Variants in TRPM3 observed in about 807,000 individuals in gnomAD.
TRPM3 encodes transient receptor potential cation channel subfamily M member 3.
A neutral mutation model predicts 181.2 loss-of-function variants in TRPM3; 77 were observed. The observed-to-expected ratio is 0.42, with a 90% CI of 0.35 to 0.51. The LOEUF (loss-of-function observed/expected upper bound fraction) is 0.51, where lower values mean the gene tolerates loss of function less well. Ranked by LOEUF, TRPM3 falls within the 20% of genes least tolerant of loss-of-function variation. TRPM3 has a pLI of 0.01. For synonymous variants in TRPM3, 745 were observed against 796.4 expected (o/e 0.94, Z 1.09); for missense variants, 1,759 against 2,196.7 (o/e 0.80, Z 3.98).
intron 1 of TRPM3, among the ~76,000 whole-genome samples, chr9:71,214,490 C>T (rs117093959): frequency 1.3e-5 from 2 of 152,228 alleles, no homozygotes; most frequent in East Asian, 3.9e-4. Context: ...AAAGGAGAAA[C>T]AATCCAAGTG....
intron 1 of TRPM3, among the ~76,000 whole-genome samples, chr9:71,076,273 G>A (rs569823003): frequency 2.6e-5 from 4 of 152,248 alleles, no homozygotes; most frequent in Non-Finnish European, 5.9e-5. Context: ...AAAACGCTAT[G>A]AATCAGGGAT....
chr9:70,776,126 T>C lies in TRPM3; in HGVS notation c.1148+7979A>G, dbSNP rs150736315. ...TCTGATGCAGAATAAAATTTGAGAA[T>C]CATGGTCTAGGCCTCCTATCCCAGC... On this transcript the variant is annotated intron_variant, in intron 7 of 25. Coordinates refer to ENST00000677713, the MANE Select transcript of TRPM3 (RefSeq NM_001366145.2). 6.3e-5 allele frequency: 15 copies of C among 238,624 alleles called. 1 individual carries two copies. The highest frequency in any genetic ancestry group is 1.3e-3 in the Middle Eastern group (1 of 766). The allele number at this position is 238,624 out of a possible 1,614,324, so 14.8% of individuals were successfully genotyped here. A position where few individuals can be genotyped will look rare whatever the true frequency, so the allele number is the denominator to read the frequency against.
At chr9:70,840,105 T>C (rs2094547358) in intron 5 of TRPM3, among the ~76,000 whole-genome samples, 1 of 152,198 alleles carries the variant, frequency 6.6e-6, no homozygotes, top group African/African-American at 2.4e-5. Flanking sequence ...AGCTATCATA[T>C]TGGAATAGTG....
At chr9:70,640,460 G>C (rs1489826587) in intron 10 of TRPM3, 100 bp downstream of exon 10, 1 of 892,656 alleles carries the variant, frequency 1.1e-6, no homozygotes, top group Non-Finnish European at 1.7e-6. Flanking sequence ...CCATCTTAAA[G>C]AAAAAGCAAT....
At chr9:71,332,291 T>A (rs1411351694) in intron 1 of TRPM3, among the ~76,000 whole-genome samples, 2 of 151,630 alleles carry the variant, frequency 1.3e-5, no homozygotes, top group Non-Finnish European at 2.9e-5. Flanking sequence ...TGACTAGAAA[T>A]AATGCTTTTT....
intron 1 of TRPM3, among the ~76,000 whole-genome samples, chr9:71,217,013 C>G (rs918302196): frequency 1.5e-5 from 2 of 129,388 alleles, no homozygotes; most frequent in African/African-American, 6.0e-5. Flanking sequence ...TGCAGTGGCG[C>G]GATCTCGGCT....
intron 1 of TRPM3, among the ~76,000 whole-genome samples, chr9:70,970,016 G>A (rs1310610891): frequency 1.3e-5 from 2 of 151,946 alleles, no homozygotes; most frequent in Admixed American, 1.3e-4. Flanking sequence ...CAATTAAAGA[G>A]GAATCATAAG....
chr9:70,603,309 T>C, intron 20 of TRPM3, 33 bp downstream of exon 20: 1 of 1,604,324 alleles, frequency 6.2e-7, no homozygotes, highest in Non-Finnish European at 8.5e-7. Flanking sequence ...ACCACTGTCT[T>C]TCTCTTACGT....
chr9:70,685,277 TCTTA>T (rs1217450766), intron 8 of TRPM3, among the ~76,000 whole-genome samples: 1 of 152,350 alleles, frequency 6.6e-6, no homozygotes, highest in Admixed American at 6.5e-5. Context: ...CATAGAATTC[TCTTA>T]CTGTTTTAAA....
intron 1 of TRPM3, among the ~76,000 whole-genome samples, chr9:71,225,701 A>G (rs997618280): frequency 2.6e-5 from 4 of 152,068 alleles, no homozygotes; most frequent in African/African-American, 9.7e-5. Context: ...GCTGTCACCC[A>G]AGTTGGAATG....
Position 71,312,946 on chromosome 9 carries a change from C to T in TRPM3, c.183+133707G>A, listed in dbSNP as rs548121601. On this transcript the variant is annotated intron_variant, in intron 1 of 24. Coordinates refer to the TRPM3 transcript ENST00000357533. ...AAGGATTTTTTGGGCAGTGAAATTG[C>T]TCTGTATAGTACTACAATGGGAGAG... Among the ~76,000 whole-genome samples, 12 of 152,144 alleles carry T rather than the reference C, an allele frequency of 7.9e-5. No homozygotes were observed. The East Asian group carries it at 2.1e-3, about 27-fold the overall frequency.
Position 70,978,581 on chromosome 9 carries a change from G to A in TRPM3, c.178-114070C>T, listed in dbSNP as rs982816393. 5.3e-5 allele frequency among the ~76,000 whole-genome samples: 8 copies of A among 152,258 alleles called. No homozygotes were observed. In the South Asian group the frequency reaches 1.5e-3, roughly 28 times the overall value. ...GATATCATCCATTGAAGTTATTTCC[G>A]ATGCTTTCATTTGCCACATAAATTT... On this transcript the variant is annotated intron_variant, in intron 1 of 25. Coordinates refer to ENST00000677713, the MANE Select transcript of TRPM3 (RefSeq NM_001366145.2).
intron 20 of TRPM3, 24 bp from the exon 21 acceptor site, chr9:70,598,694 A>AGGTCTGGTTTCT (rs2059396978): frequency 6.2e-7 from 1 of 1,607,284 alleles, no homozygotes; most frequent in African/African-American, 1.3e-5. Flanking sequence ...AGGAGAGCAG[A>AGGTCTGGTTTCT]GTTAGGTCTG....
intron 14 of TRPM3, among the ~76,000 whole-genome samples, chr9:70,623,616 C>T (rs7857237): frequency 7.9e-5 from 12 of 152,196 alleles, no homozygotes; most frequent in Admixed American, 4.6e-4. Context: ...CACCTTTACC[C>T]GATGTCATTA....
intron 1 of TRPM3, among the ~76,000 whole-genome samples, chr9:71,250,361 T>C (rs2082274456): frequency 6.6e-6 from 1 of 152,200 alleles, no homozygotes; most frequent in South Asian, 2.1e-4. Context: ...TATAAATCAT[T>C]TTATTTATGA....
intron 1 of TRPM3, among the ~76,000 whole-genome samples, chr9:71,394,423 A>T (rs1410760186): frequency 6.6e-6 from 1 of 152,248 alleles, no homozygotes; most frequent in Non-Finnish European, 1.5e-5. Context: ...ATTTTAAAAG[A>T]TAAAACATGT....
chr9:70,800,734 A>C (rs1312695185), intron 6 of TRPM3, among the ~76,000 whole-genome samples: 2 of 152,180 alleles, frequency 1.3e-5, no homozygotes, highest in African/African-American at 4.8e-5. Flanking sequence ...ACAGTATATA[A>C]TATACAAAAT....
intron 1 of TRPM3, among the ~76,000 whole-genome samples, chr9:70,871,203 G>GT (rs772532437): frequency 2.0e-5 from 3 of 151,948 alleles, no homozygotes; most frequent in Admixed American, 1.3e-4. Flanking sequence ...CACTGAGCTA[G>GT]TAGGCTGTAG....
intron 1 of TRPM3, among the ~76,000 whole-genome samples, chr9:70,985,357 T>C (rs1412416700): frequency 2.0e-5 from 3 of 152,136 alleles, no homozygotes; most frequent in Non-Finnish European, 2.9e-5. Flanking sequence ...AGATATGCCA[T>C]ACAGATCTAC....
Sources: gnomAD v4.1 joint callset for allele counts (sites outside exome capture counted in the v4.1 genomes callset) on GRCh38, gnomAD v4.1.1 for gene constraint, MANE v1.5 for transcripts, NCBI Gene and HGNC (gene_info 2026-07-23, HGNC 2026-07-21) for gene names.